The following RPS6KA2 variants were observed in gnomAD, a reference collection of about 807,000 sequenced individuals.
The protein encoded by RPS6KA2 is ribosomal protein S6 kinase A2.
Under a neutral mutation model 91.8 loss-of-function variants are expected in RPS6KA2, and 42 were observed. That is an observed-to-expected ratio of 0.46 (90% CI 0.36 to 0.59). The LOEUF is 0.59. Ranked by LOEUF, RPS6KA2 falls within the 20% of genes least tolerant of loss-of-function variation. RPS6KA2 has a pLI of 0.00. For synonymous variants in RPS6KA2, 414 were observed against 393.6 expected (o/e 1.05, Z -0.61); for missense variants, 798 against 978.5 (o/e 0.82, Z 2.46).
At chr6:166,723,909 A>G (rs1562402359) in intron 2 of RPS6KA2, among the ~76,000 whole-genome samples, 1 of 152,096 alleles carries the variant, frequency 6.6e-6, no homozygotes, top group Non-Finnish European at 1.5e-5. Flanking sequence ...CATGTTGGCC[A>G]GGCTGGCCTC....
At chr6:166,660,526 C>G (rs563070024) in intron 2 of RPS6KA2, among the ~76,000 whole-genome samples, 1 of 152,130 alleles carries the variant, frequency 6.6e-6, no homozygotes, top group Non-Finnish European at 1.5e-5. Flanking sequence ...CCTAGGGACA[C>G]AGTGACAACC....
chr6:166,637,969 G>A (rs1361970793), intron 2 of RPS6KA2, among the ~76,000 whole-genome samples: 6 of 152,228 alleles, frequency 3.9e-5, no homozygotes, highest in Non-Finnish European at 8.8e-5. Flanking sequence ...GAACACTGGC[G>A]CTAAGCAGGG....
At chr6:166,552,267 C>T (rs867917860) in intron 1 of RPS6KA2, among the ~76,000 whole-genome samples, 4 of 152,242 alleles carry the variant, frequency 2.6e-5, no homozygotes, top group African/African-American at 4.8e-5. Context: ...CCTCGCAAAG[C>T]GTCTGGCACC....
intron 12 of RPS6KA2, 98 bp from the exon 13 acceptor site, chr6:166,451,331 C>CCGTG (rs1779909690): frequency 8.7e-7 from 1 of 1,153,334 alleles, no homozygotes; most frequent in African/African-American, 2.3e-5. Context: ...GTGTGCAAGT[C>CCGTG]CGTGTGTGTG....
At chr6:166,845,449 C>A (rs1044907648) in intron 2 of RPS6KA2, among the ~76,000 whole-genome samples, 1 of 152,070 alleles carries the variant, frequency 6.6e-6, no homozygotes, top group Admixed American at 6.5e-5. Context: ...CCAAGATAGA[C>A]CATATGATAG....
intron 17 of RPS6KA2, among the ~76,000 whole-genome samples, chr6:166,421,923 G>A (rs1012285005): frequency 3.3e-5 from 5 of 151,852 alleles, no homozygotes; most frequent in Admixed American, 6.6e-5. Flanking sequence ...TTTTTGAGAC[G>A]GAGTCCTGCT....
intron 2 of RPS6KA2, among the ~76,000 whole-genome samples, chr6:166,745,968 C>T (rs190519303): frequency 9.8e-5 from 15 of 152,308 alleles, no homozygotes; most frequent in African/African-American, 3.1e-4. Context: ...ACATGAGGAA[C>T]GAAACACAGA....
chr6:166,496,933 C>T lies in RPS6KA2; in HGVS notation c.747+1575G>A, dbSNP rs190205141. The stretch of plus-strand genomic sequence containing the variant: ...CCTGCACCGGCAAAACCTGCACCAG[C>T]GTGGGAGGTCTCCACAGGGCTATCC... On this transcript the variant is annotated intron_variant, in intron 8 of 20. Transcript: ENST00000265678. Among the ~76,000 whole-genome samples the T allele has an allele frequency of 1.7e-3, 254 of 152,334 alleles. 1 individual carries two copies. Among genetic ancestry groups the T allele is most frequent in the Non-Finnish European group, 2.8e-3 (191 of 68,040 alleles).
At chr6:166,438,322 A>G (rs1206423440) in intron 14 of RPS6KA2, among the ~76,000 whole-genome samples, 1 of 152,210 alleles carries the variant, frequency 6.6e-6, no homozygotes, top group East Asian at 1.9e-4. Flanking sequence ...ATGGGCACAG[A>G]AACACCACGT....
intron 1 of RPS6KA2, among the ~76,000 whole-genome samples, chr6:166,611,966 C>A (rs1359916902): frequency 6.6e-6 from 1 of 152,182 alleles, no homozygotes; most frequent in Non-Finnish European, 1.5e-5. Flanking sequence ...AACTTAAAAA[C>A]AAAAAGTTTC....
chr6:166,478,992 C>T (rs1432994394), intron 10 of RPS6KA2, among the ~76,000 whole-genome samples: 1 of 152,220 alleles, frequency 6.6e-6, no homozygotes, highest in East Asian at 1.9e-4. Flanking sequence ...GCACCTGGCT[C>T]TCGCTTCACT....
chr6:166,785,418 G>A (rs1006416547), intron 2 of RPS6KA2, among the ~76,000 whole-genome samples: 15 of 152,330 alleles, frequency 9.8e-5, no homozygotes, highest in South Asian at 8.3e-4. Flanking sequence ...TATGGGAGCT[G>A]TTGCTCCTTT....
chr6:166,792,264 T>A (rs908900808), intron 2 of RPS6KA2, among the ~76,000 whole-genome samples: 3 of 152,118 alleles, frequency 2.0e-5, no homozygotes, highest in Non-Finnish European at 4.4e-5. Context: ...AAGAAATGGA[T>A]AAATTCCTGG....
In RPS6KA2 at chr6:166,648,611, C is replaced by T. The variant is rs866417337; in HGVS notation, c.124-109827G>A. Among the ~76,000 whole-genome samples the T allele has an allele frequency of 1.3e-5, 2 of 152,164 alleles. No individual in the cohort carries two copies. Among genetic ancestry groups the T allele is most frequent in the African/African-American group, 2.4e-5 (1 of 41,424 alleles). On this transcript the variant is annotated intron_variant, in intron 2 of 21. Transcript: ENST00000503859. This position sits in a 1 kb window ranked among gnomAD's most constrained non-coding sequence, Gnocchi z 4.8. ...CCATTTTAGTATTTTCACCTATCAC[C>T]GCCACGCAGCTGACTTCTTAATCTG... is the stretch of plus-strand genomic sequence containing the variant.
chr6:166,464,081 C>T (rs969154740), intron 11 of RPS6KA2, among the ~76,000 whole-genome samples: 15 of 152,182 alleles, frequency 9.9e-5, no homozygotes, highest in Admixed American at 8.5e-4. Flanking sequence ...TGCATGGAGA[C>T]GCCTGTGCTG....
At chr6:166,463,775 A>G (rs1780419370) in intron 11 of RPS6KA2, among the ~76,000 whole-genome samples, 1 of 152,212 alleles carries the variant, frequency 6.6e-6, no homozygotes, top group Non-Finnish European at 1.5e-5. Context: ...GATTATTCCT[A>G]AAATAATAAT....
At chr6:166,568,400 G>T (rs1784568074) in intron 1 of RPS6KA2, among the ~76,000 whole-genome samples, 1 of 152,058 alleles carries the variant, frequency 6.6e-6, no homozygotes, top group Non-Finnish European at 1.5e-5. Context: ...GATCACCTGA[G>T]ATCAGGAATT....
At chr6:166,680,626 C>T (rs1259727890) in intron 2 of RPS6KA2, among the ~76,000 whole-genome samples, 1 of 152,202 alleles carries the variant, frequency 6.6e-6, no homozygotes, top group Non-Finnish European at 1.5e-5. Flanking sequence ...CTGGACGTGC[C>T]AACCTTATGA....
At chr6:166,536,199 AG>A (rs199661279) in intron 2 of RPS6KA2, among the ~76,000 whole-genome samples, 2,424 of 152,374 alleles carry the variant, frequency 0.016, 30 homozygotes, top group South Asian at 0.036. Context: ...CTCCCAGGCA[AG>A]GCCTGTCCCG....
Sources: gnomAD v4.1 joint callset for allele counts (sites outside exome capture counted in the v4.1 genomes callset) on GRCh38, gnomAD v4.1.1 for gene constraint, Gnocchi (gnomAD v3.1) non-coding constraint, MANE v1.5 for transcripts, NCBI Gene and HGNC (gene_info 2026-07-23, HGNC 2026-07-21) for gene names.